The following HMG20B variants were observed in gnomAD, a reference collection of about 807,000 sequenced individuals.
HMG20B encodes the protein high mobility group 20B.
Under a neutral mutation model 41.6 loss-of-function variants are expected in HMG20B, and 24 were observed. That is an observed-to-expected ratio of 0.58 (90% confidence interval 0.42 to 0.81). The LOEUF (loss-of-function observed/expected upper bound fraction) is 0.81, where lower values mean the gene tolerates loss of function less well. Ranked by LOEUF, HMG20B falls within the 30% of genes least tolerant of loss-of-function variation. HMG20B has a pLI of 0.00. For synonymous variants in HMG20B, 251 were observed against 186.6 expected (o/e 1.34, Z -2.81); for missense variants, 461 against 444.0 (o/e 1.04, Z -0.34).
chr19:3,574,228 C>A, intron 3 of HMG20B, 155 bp from the exon 4 acceptor site: 1 of 689,314 alleles, frequency 1.5e-6, no homozygotes, highest in Non-Finnish European at 2.5e-6. Context: ...GTCCCGACTG[C>A]TGACCGGGCC....
chr19:3,574,612 G>T, intron 4 of HMG20B, 26 bp downstream of exon 4: 1 of 1,557,524 alleles, frequency 6.4e-7, no homozygotes, highest in Non-Finnish European at 8.7e-7. Flanking sequence ...CGCCGAGCAG[G>T]GCTGGCGGGG....
chr19:3,578,420 A>T (rs947741734), intron 9 of HMG20B, 89 bp from the exon 10 acceptor site: 42 of 1,437,944 alleles, frequency 2.9e-5, no homozygotes, highest in Non-Finnish European at 3.8e-5. Flanking sequence ...GGAGCAGCTG[A>T]TGGGCCATGG....
chr19:3,573,667 C>T lies in HMG20B; in HGVS notation c.39-25C>T, dbSNP rs553673835. 6.8e-6 allele frequency: 10 copies of T among 1,479,146 alleles called. No individual in the cohort carries two copies. The East Asian group carries it at 2.0e-4, about 29-fold the overall frequency. The allele number at this position is 1,479,146 out of a possible 1,614,324, so 91.6% of individuals were successfully genotyped here. A position where few individuals can be genotyped will look rare whatever the true frequency, so the allele number is the denominator to read the frequency against. On this transcript the variant is annotated intron_variant, in intron 2 of 9. Transcript: ENST00000333651. ...GGGAGGGGAGATTCTTGGGACGGGG[C>T]TGACCGCGGTATCCTTGGCTCCAGG...
chr19:3,577,079 C>T lies in HMG20B; in HGVS notation c.780C>T (p.Thr260=), dbSNP rs1343656399. 1.3e-6 allele frequency: 2 copies of T among 1,539,260 alleles called. No individual in the cohort carries two copies. Among genetic ancestry groups the T allele is most frequent in the South Asian group, 1.2e-5 (1 of 83,798 alleles). ...QQLQAVRQAL[T]ASFASLPVPG... is the part of the protein sequence containing the mutation. ...TCCAGGCCGTGCGCCAGGCGCTCAC[C>T]GCCAGCTTCGCCTCACTGCCGGTGC... The change falls in exon 8 of 10, where the codon ACC becomes ACT. Residue 260 remains threonine, a synonymous_variant. Coordinates refer to ENST00000333651, the MANE Select transcript of HMG20B (RefSeq NM_006339.3).
At chr19:3,573,838 C>T (rs772837046) in intron 3 of HMG20B, 38 bp downstream of exon 3, 40 of 1,538,950 alleles carry the variant, frequency 2.6e-5, no homozygotes, top group African/African-American at 1.1e-4. Flanking sequence ...AGGCCCCGGG[C>T]TCCCGCCCCA....
intron 7 of HMG20B, 61 bp downstream of exon 7, chr19:3,576,686 G>A: frequency 6.9e-7 from 1 of 1,457,796 alleles, no homozygotes; most frequent in Non-Finnish European, 9.5e-7. Flanking sequence ...AGGGGGGCGT[G>A]GGCCAGGAGG....
At chr19:3,577,193 T>C (rs10408835) in intron 8 of HMG20B, 86 bp downstream of exon 8, 241,512 of 924,308 alleles carry the variant, frequency 0.26, 30,959 homozygotes, top group South Asian at 0.36. Flanking sequence ...CCCCTTCCCC[T>C]GTCGCCCGGC....
chr19:3,575,758 A>G (rs1376499174), intron 5 of HMG20B, 98 bp downstream of exon 5: 2 of 1,011,818 alleles, frequency 2.0e-6, no homozygotes, highest in East Asian at 2.8e-5. Flanking sequence ...CCTGGCCAAC[A>G]TAGTGAAACC....
At chr19:3,578,188 G>T (rs771099174) in intron 9 of HMG20B, 75 bp downstream of exon 9, 4 of 1,558,590 alleles carry the variant, frequency 2.6e-6, no homozygotes, top group South Asian at 1.2e-5. Flanking sequence ...CCCCAGGTCC[G>T]CGAGGGCTGC....
intron 2 of HMG20B, 46 bp downstream of exon 2, chr19:3,573,393 T>G (rs2032083535): frequency 6.7e-7 from 1 of 1,489,870 alleles, no homozygotes; most frequent in African/African-American, 1.4e-5. Context: ...CTTTCCCGGC[T>G]GCAGCCCTAG....
Position 3,573,010 on chromosome 19 carries a change from G to C in HMG20B, c.-19+16G>C, listed in dbSNP as rs2032073094. ...TTCTTTGGAGGTGAAAACAGCCGCG[G>C]AACTCCGGGCCCTGAGAGGGGGCGG... On this transcript the variant is annotated intron_variant, in intron 1 of 9. Coordinates refer to ENST00000333651, the MANE Select transcript of HMG20B (RefSeq NM_006339.3). 5.3e-6 allele frequency: 2 copies of C among 380,098 alleles called. No homozygotes were observed. The highest frequency in any genetic ancestry group is 9.5e-6 in the Non-Finnish European group (2 of 211,146). The allele number at this position is 380,098 out of a possible 1,614,324, so 23.5% of individuals were successfully genotyped here. A position where few individuals can be genotyped will look rare whatever the true frequency, so the allele number is the denominator to read the frequency against.
At chr19:3,575,702 GC>G in intron 5 of HMG20B, 42 bp downstream of exon 5, 1 of 1,529,126 alleles carries the variant, frequency 6.5e-7, no homozygotes, top group Non-Finnish European at 8.8e-7. Context: ...TGTCATCCCA[GC>G]ACTTTGGGAG....
intron 7 of HMG20B, 53 bp downstream of exon 7, chr19:3,576,678 G>A: frequency 1.3e-6 from 2 of 1,524,554 alleles, no homozygotes; most frequent in South Asian, 1.2e-5. Context: ...GGTGGTAGAG[G>A]GGGGCGTGGG....
intron 4 of HMG20B, 86 bp from the exon 5 acceptor site, chr19:3,575,454 A>C (rs1273454013): frequency 8.5e-6 from 13 of 1,534,752 alleles, no homozygotes; most frequent in Non-Finnish European, 1.1e-5. Flanking sequence ...AGGAGAGGGG[A>C]GGGTGCTGTG....
At position 3,577,062 on chromosome 19, in the gene HMG20B, G is replaced by T. The variant is rs376176196; in HGVS notation, c.763G>T (p.Val255Leu). 8.4e-6 allele frequency: 13 copies of T among 1,543,890 alleles called. No individual in the cohort carries two copies. In the African/African-American group the frequency reaches 9.6e-5, roughly 11 times the overall value. ...TLALQQQLQAVRQALTASFAS... is the reference protein window; with the variant it reads ...TLALQQQLQALRQALTASFAS... Reference sequence around the variant, plus strand: ...GGCGCTGCAGCAGCAGCTCCAGGCCGTGCGCCAGGCGCTCACCGCCAGCTT... The same window carrying T: ...GGCGCTGCAGCAGCAGCTCCAGGCCTTGCGCCAGGCGCTCACCGCCAGCTT... Residue 255 changes from valine to leucine, a missense_variant, in exon 8 of 10, where the codon GTG becomes TTG. By Grantham distance (32) the Val-to-Leu change is conservative. This residue lies in a region of HMG20B where 308 missense variants were observed against 283.4 expected (regional missense o/e 1.09). Coordinates refer to ENST00000333651, the MANE Select transcript of HMG20B (RefSeq NM_006339.3).
chr19:3,575,521 T>A lies in HMG20B; in HGVS notation c.352-19T>A. On this transcript the variant is annotated intron_variant, in intron 4 of 9. Transcript: ENST00000333651. The stretch of plus-strand genomic sequence containing the variant: ...TTGGAGGCTTCCCCTGCTTCAAGCC[T>A]TCTGGTGCTGCCCCCCAGCGGTACC... 6.4e-7 allele frequency: 1 copy of A among 1,561,948 alleles called. No individual in the cohort carries two copies. Among genetic ancestry groups the A allele is most frequent in the Non-Finnish European group, 8.7e-7 (1 of 1,153,824 alleles).
In HMG20B at chr19:3,576,920, G is replaced by A; in HGVS notation, c.621G>A (p.Arg207=). The A allele has an allele frequency of 6.3e-7, 1 of 1,581,806 alleles. No individual in the cohort carries two copies. The highest frequency in any genetic ancestry group is 2.3e-5 in the East Asian group (1 of 43,242). The change falls in exon 8 of 10, where the codon CGG becomes CGA. Residue 207 remains arginine (R), a synonymous_variant. Transcript: ENST00000333651. ...GTGAGGCGGAGCTTCGGCGCTTGCG[G>A]AAGATGAATGTGGCCTTCGAGGAGC... ...KAREAELRRL[R]KMNVAFEEQN...
At position 3,573,005 on chromosome 19, in the gene HMG20B, C is replaced by A. The variant is rs772205356; in HGVS notation, c.-19+11C>A. 2.7e-5 allele frequency: 10 copies of A among 371,122 alleles called. No homozygotes were observed. The highest frequency in any genetic ancestry group is 4.2e-5 in the African/African-American group (2 of 47,468). The allele number at this position is 371,122 out of a possible 1,614,324, so 23.0% of individuals were successfully genotyped here. ...AAAGTTTCTTTGGAGGTGAAAACAG[C>A]CGCGGAACTCCGGGCCCTGAGAGGG... On this transcript the variant is annotated intron_variant, in intron 1 of 9. Coordinates refer to ENST00000333651, the MANE Select transcript of HMG20B (RefSeq NM_006339.3).
intron 9 of HMG20B, 32 bp from the exon 10 acceptor site, chr19:3,578,477 G>T: frequency 6.6e-7 from 1 of 1,507,632 alleles, no homozygotes; most frequent in East Asian, 2.4e-5. Flanking sequence ...GATGATGAGG[G>T]CCTCATCCCG....
Sources: allele counts gnomAD v4.1 joint callset, GRCh38; gene constraint gnomAD v4.1.1; regional missense constraint gnomAD v4.1.1; transcripts MANE v1.5; gene names NCBI Gene and HGNC (gene_info 2026-07-23, HGNC 2026-07-21).